The following ARHGAP15 variants were observed in gnomAD, a reference collection of about 807,000 sequenced individuals.
ARHGAP15 encodes Rho GTPase activating protein 15.
Under a neutral mutation model 63.7 loss-of-function variants are expected in ARHGAP15, and 51 were observed. That is an observed-to-expected ratio of 0.80 (90% CI 0.64 to 1.01). ARHGAP15 has a LOEUF of 1.01. Ranked by LOEUF, ARHGAP15 falls within the 50% of genes least tolerant of loss-of-function variation. The pLI is 0.00. For synonymous variants in ARHGAP15, 191 were observed against 193.8 expected (o/e 0.99, Z 0.12); for missense variants, 560 against 564.6 (o/e 0.99, Z 0.08).
chr2:143,723,283 T>C (rs1473684049), intron 13 of ARHGAP15, among the ~76,000 whole-genome samples: 2 of 152,142 alleles, frequency 1.3e-5, no homozygotes, highest in African/African-American at 4.8e-5. Context: ...CACACTGCCA[T>C]CTCAAACAAC....
At chr2:143,674,879 G>A (rs191128494) in intron 12 of ARHGAP15, among the ~76,000 whole-genome samples, 1 of 152,112 alleles carries the variant, frequency 6.6e-6, no homozygotes, top group Non-Finnish European at 1.5e-5. Context: ...TGATCAGGGT[G>A]GGGGGTTGCT....
At chr2:143,683,554 C>T (rs745442445) in intron 12 of ARHGAP15, among the ~76,000 whole-genome samples, 2 of 152,112 alleles carry the variant, frequency 1.3e-5, no homozygotes, top group Non-Finnish European at 2.9e-5. Context: ...AACATTAATA[C>T]ACAATGGCAG....
chr2:143,636,403 T>C (rs910030903), intron 12 of ARHGAP15, among the ~76,000 whole-genome samples: 3 of 152,106 alleles, frequency 2.0e-5, no homozygotes, highest in Non-Finnish European at 2.9e-5. Flanking sequence ...TATGAAAATG[T>C]TTTAGAAAAA....
At chr2:143,396,192 GT>G (rs1222643210) in intron 6 of ARHGAP15, among the ~76,000 whole-genome samples, 2 of 151,906 alleles carry the variant, frequency 1.3e-5, no homozygotes, top group Middle Eastern at 3.4e-3. Context: ...TGTGTTTTTA[GT>G]TTTTTTTCTG....
At chr2:143,646,989 A>G (rs1469715755) in intron 12 of ARHGAP15, among the ~76,000 whole-genome samples, 1 of 152,048 alleles carries the variant, frequency 6.6e-6, no homozygotes, top group Non-Finnish European at 1.5e-5. Flanking sequence ...GCTTTTTTCC[A>G]AGAGAAATGG....
intron 6 of ARHGAP15, among the ~76,000 whole-genome samples, chr2:143,326,456 T>C (rs1269486621): frequency 6.6e-6 from 1 of 152,180 alleles, no homozygotes; most frequent in Non-Finnish European, 1.5e-5. Context: ...CACAGCACTA[T>C]TGAGAAAGAA....
chr2:143,762,982 T>A (rs1417413251), intron 13 of ARHGAP15, among the ~76,000 whole-genome samples: 2 of 152,158 alleles, frequency 1.3e-5, no homozygotes, highest in Non-Finnish European at 2.9e-5. Flanking sequence ...CTGACTGTTT[T>A]TGAGAGTTTT....
rs191938343 is a variant in ARHGAP15, at chr2:143,337,114, T to C, written c.474+86514T>C. Among the ~76,000 whole-genome samples, 176 of 151,764 alleles carry C rather than the reference T, an allele frequency of 1.2e-3. 1 individual carries two copies. The highest frequency in any genetic ancestry group is 8.6e-3 in the Admixed American group (131 of 15,220). ...TCGGTGAGGTGGAAAGGGCAGAAGG[T>C]GGAGCTTGGATAGGTGGGGAGGTAA... is the stretch of plus-strand genomic sequence containing the variant. On this transcript the variant is annotated intron_variant, in intron 6 of 13. Coordinates refer to ENST00000295095, the MANE Select transcript of ARHGAP15 (RefSeq NM_018460.4).
At chr2:143,353,517 CT>C (rs1240963474) in intron 6 of ARHGAP15, among the ~76,000 whole-genome samples, 2 of 151,990 alleles carry the variant, frequency 1.3e-5, no homozygotes, top group African/African-American at 4.8e-5. Flanking sequence ...TGCTAAAGAT[CT>C]TTTTATTTTT....
intron 6 of ARHGAP15, among the ~76,000 whole-genome samples, chr2:143,277,734 T>C (rs530973423): frequency 2.7e-4 from 41 of 152,220 alleles, no homozygotes; most frequent in African/African-American, 8.2e-4. Context: ...GATTCCTTCT[T>C]CAAATTCTCT....
intron 6 of ARHGAP15, among the ~76,000 whole-genome samples, chr2:143,277,295 G>C (rs1056409882): frequency 4.0e-5 from 6 of 151,482 alleles, no homozygotes; most frequent in African/African-American, 1.5e-4. Context: ...CGTATCATTT[G>C]TTTCTTATTT....
At chr2:143,283,912 C>T (rs570350782) in intron 6 of ARHGAP15, among the ~76,000 whole-genome samples, 9 of 152,204 alleles carry the variant, frequency 5.9e-5, no homozygotes, top group Admixed American at 3.3e-4. Flanking sequence ...TTCAGCTATG[C>T]CTTTACTTGA....
intron 8 of ARHGAP15, among the ~76,000 whole-genome samples, chr2:143,441,248 T>C (rs1442823384): frequency 6.6e-6 from 1 of 152,016 alleles, no homozygotes; most frequent in Non-Finnish European, 1.5e-5. Context: ...GTACCAGAAT[T>C]GGATATGGGA....
chr2:143,620,920 A>C (rs1474764358), intron 11 of ARHGAP15, among the ~76,000 whole-genome samples: 1 of 152,254 alleles, frequency 6.6e-6, no homozygotes, highest in East Asian at 1.9e-4. Context: ...AATAATTACC[A>C]ACTCAAGGTC....
chr2:143,322,858 A>G (rs1684086076), intron 6 of ARHGAP15, among the ~76,000 whole-genome samples: 1 of 152,234 alleles, frequency 6.6e-6, no homozygotes, highest in South Asian at 2.1e-4. Flanking sequence ...TAATGTTGTA[A>G]GTAAGCAACA....
At chr2:143,394,439 A>C (rs886320372) in intron 6 of ARHGAP15, among the ~76,000 whole-genome samples, 1 of 152,152 alleles carries the variant, frequency 6.6e-6, no homozygotes, top group African/African-American at 2.4e-5. Context: ...TTAACAGTGC[A>C]AGCATGGTTT....
intron 3 of ARHGAP15, among the ~76,000 whole-genome samples, chr2:143,213,824 A>G (rs1692645833): frequency 6.6e-6 from 1 of 152,230 alleles, no homozygotes; most frequent in Non-Finnish European, 1.5e-5. Context: ...AGTCTATTGC[A>G]TTGATCCAAG....
intron 8 of ARHGAP15, among the ~76,000 whole-genome samples, chr2:143,442,785 A>G (rs1689948084): frequency 6.6e-6 from 1 of 152,160 alleles, no homozygotes; most frequent in Non-Finnish European, 1.5e-5. Flanking sequence ...AAAGTTCTCC[A>G]GTTAAAAATT....
chr2:143,360,433 A>C (rs531893509), intron 6 of ARHGAP15, among the ~76,000 whole-genome samples: 1 of 152,172 alleles, frequency 6.6e-6, no homozygotes, highest in African/African-American at 2.4e-5. Flanking sequence ...ATAAATATCA[A>C]AAGATTATTC....
Sources: allele counts gnomAD v4.1 joint callset (sites outside exome capture counted in the v4.1 genomes callset), GRCh38; gene constraint gnomAD v4.1.1; transcripts MANE v1.5; gene names NCBI Gene and HGNC (gene_info 2026-07-23, HGNC 2026-07-21).